Variants in DIP2C observed in about 807,000 individuals in gnomAD.
The protein encoded by DIP2C is DIP2 acetate--CoA ligase C (putative), also known as disco-interacting protein 2 homolog C.
In DIP2C, 33 loss-of-function variants were observed where a neutral mutation model predicts 192.4. That is an observed-to-expected ratio of 0.17 (90% confidence interval 0.13 to 0.23). The LOEUF is 0.23. Ranked by LOEUF, DIP2C falls within the 10% of genes least tolerant of loss-of-function variation. DIP2C has a pLI of 1.00. For missense variants in DIP2C, 1,537 were observed against 2,110.1 expected (o/e 0.73, Z 5.32); for synonymous variants, 979 against 864.1 (o/e 1.13, Z -2.33).
intron 22 of DIP2C, among the ~76,000 whole-genome samples, chr10:359,074 C>T (rs181138592): frequency 5.5e-4 from 83 of 152,214 alleles, no homozygotes; most frequent in African/African-American, 1.9e-3. Context: ...TGCTCATAGC[C>T]GTGTCAAAAA....
intron 1 of DIP2C, among the ~76,000 whole-genome samples, chr10:660,973 G>A (rs889393922): frequency 2.0e-5 from 3 of 152,188 alleles, no homozygotes; most frequent in African/African-American, 7.2e-5. Flanking sequence ...AAAAATATAC[G>A]AGGCATTTCA....
intron 2 of DIP2C, chr10:484,961 GA>G (rs748559608): frequency 7.5e-6 from 12 of 1,592,004 alleles, no homozygotes; most frequent in East Asian, 2.2e-5. Flanking sequence ...GTAACAAGTT[GA>G]AAAAAAACTA....
In DIP2C at chr10:413,893, A is replaced by G. The variant is rs200060810; in HGVS notation, c.1057+20T>C. 6.2e-7 allele frequency: 1 copy of G among 1,609,212 alleles called. No homozygotes were observed. ...GTGCGAGGGGGTGGGCAAAGGGCAG[A>G]GAGTGAGCCTGGGGATTACCGTAAG... On this transcript the variant is annotated intron_variant, in intron 8 of 36. Transcript: ENST00000280886.
intron 1 of DIP2C, among the ~76,000 whole-genome samples, chr10:602,160 C>G (rs140088805): frequency 1.0e-3 from 153 of 152,242 alleles, no homozygotes; most frequent in African/African-American, 3.6e-3. Context: ...TGTCACACAC[C>G]AAGGTTTTTA....
At chr10:408,537 G>T (rs771370686) in intron 9 of DIP2C, among the ~76,000 whole-genome samples, 1 of 152,202 alleles carries the variant, frequency 6.6e-6, no homozygotes, top group Non-Finnish European at 1.5e-5. Flanking sequence ...TCATGCTCTT[G>T]TTGGTTTATG....
chr10:686,315 C>T (rs1417945629), intron 1 of DIP2C, among the ~76,000 whole-genome samples: 1 of 151,864 alleles, frequency 6.6e-6, no homozygotes, highest in African/African-American at 2.4e-5. Context: ...GGCCTCTCCA[C>T]CTGCGGGGCC....
chr10:484,742 C>T, intron 2 of DIP2C: 1 of 1,599,372 alleles, frequency 6.3e-7, no homozygotes, highest in Non-Finnish European at 8.5e-7. Flanking sequence ...CTAATGTGTA[C>T]CCTGCTGTGG....
chr10:303,814 C>T (rs1956176751), intron 32 of DIP2C, among the ~76,000 whole-genome samples: 1 of 152,186 alleles, frequency 6.6e-6, no homozygotes, highest in Middle Eastern at 3.2e-3. Context: ...TGAGCCGCCG[C>T]GCCTGGCCGA....
chr10:447,511 CCGCT>C (rs1968353025), intron 3 of DIP2C, among the ~76,000 whole-genome samples: 2 of 149,288 alleles, frequency 1.3e-5, no homozygotes, highest in African/African-American at 5.0e-5. Flanking sequence ...GCAGCAGGAC[CCGCT>C]CACTCCCATC....
intron 1 of DIP2C, among the ~76,000 whole-genome samples, chr10:606,239 A>AC (rs34929850): frequency 0.033 from 4,922 of 151,252 alleles, 156 homozygotes; most frequent in African/African-American, 0.078. Flanking sequence ...GGCTCCACCC[A>AC]CCCCCCCAGA....
In DIP2C at chr10:366,830, C is replaced by T. The variant is rs193206715; in HGVS notation, c.2132-419G>A. Among the ~76,000 whole-genome samples the T allele has an allele frequency of 2.1e-4, 32 of 152,276 alleles. No individual in the cohort carries two copies. The East Asian group carries it at 2.7e-3, about 13-fold the overall frequency. ...AATCTGAATCTTCGATTTCACACTC[C>T]GTGCAAGGTGAGCCCTTCCGAGAAC... On this transcript the variant is annotated intron_variant, in intron 18 of 36. Transcript: ENST00000280886.
At chr10:561,828 C>A (rs1258713896) in intron 1 of DIP2C, among the ~76,000 whole-genome samples, 1 of 152,208 alleles carries the variant, frequency 6.6e-6, no homozygotes, top group Non-Finnish European at 1.5e-5. Flanking sequence ...GAAATTAATA[C>A]ACTTTTTCCT....
intron 1 of DIP2C, among the ~76,000 whole-genome samples, chr10:517,474 A>G (rs1402080004): frequency 6.6e-6 from 1 of 152,296 alleles, no homozygotes; most frequent in East Asian, 1.9e-4. Flanking sequence ...AGCTCCATGA[A>G]GACAGGGTCA....
At chr10:514,690 C>T (rs1846238633) in intron 1 of DIP2C, among the ~76,000 whole-genome samples, 1 of 152,158 alleles carries the variant, frequency 6.6e-6, no homozygotes, top group South Asian at 2.1e-4. Context: ...CCTCATGGCT[C>T]CTGAGGGACC....
chr10:548,210 C>CCCCCG lies in DIP2C; in HGVS notation c.86-61681_86-61680insCGGGG, dbSNP rs1554897788. On this transcript the variant is annotated intron_variant, in intron 1 of 36. Transcript: ENST00000280886. ...TCCAATTCACACGAGTCTGCCCCAC[C>CCCCCG]CCCCCCCCCACAGGAAAGCCCTGGT... is the stretch of plus-strand genomic sequence containing the variant. Among the ~76,000 whole-genome samples, 57 of 103,614 alleles carry CCCCCG rather than the reference C, an allele frequency of 5.5e-4. 2 individuals carry two copies. Among genetic ancestry groups the CCCCCG allele is most frequent in the African/African-American group, 1.9e-3 (57 of 29,466 alleles). 68.0% of individuals were successfully genotyped at this position (103,614 alleles called of 152,430 possible).
intron 18 of DIP2C, among the ~76,000 whole-genome samples, chr10:366,971 A>T (rs1199214427): frequency 6.6e-6 from 1 of 152,206 alleles, no homozygotes; most frequent in Non-Finnish European, 1.5e-5. Context: ...TGCAATCCAC[A>T]AATCTGATTA....
chr10:458,676 G>A (rs1290110444), intron 3 of DIP2C, among the ~76,000 whole-genome samples: 1 of 151,740 alleles, frequency 6.6e-6, no homozygotes, highest in African/African-American at 2.4e-5. Context: ...CTACATTCCT[G>A]CCTCACCAGC....
chr10:492,212 C>T (rs886342122), intron 1 of DIP2C, among the ~76,000 whole-genome samples: 3 of 152,208 alleles, frequency 2.0e-5, no homozygotes, highest in Non-Finnish European at 2.9e-5. Flanking sequence ...ACAGAAGGGT[C>T]GCTGCAAGAA....
intron 1 of DIP2C, among the ~76,000 whole-genome samples, chr10:560,565 A>G (rs1054880331): frequency 2.4e-4 from 37 of 152,306 alleles, no homozygotes; most frequent in African/African-American, 8.2e-4. Context: ...GGCTGGTTTC[A>G]AAGTAAGCTT....
Sources: allele counts gnomAD v4.1 joint callset (sites outside exome capture counted in the v4.1 genomes callset), GRCh38; gene constraint gnomAD v4.1.1; transcripts MANE v1.5; gene names NCBI Gene and HGNC (gene_info 2026-07-23, HGNC 2026-07-21).